Variants in IFT172 observed in about 807,000 individuals in gnomAD.
IFT172 encodes the protein intraflagellar transport protein 172 homolog.
In IFT172, 164 loss-of-function variants were observed where a neutral mutation model predicts 248.9. That is an observed-to-expected ratio of 0.66 (90% confidence interval 0.58 to 0.75). The LOEUF (loss-of-function observed/expected upper bound fraction) is 0.75, where lower values mean the gene tolerates loss of function less well. Ranked by LOEUF, IFT172 falls within the 30% of genes least tolerant of loss-of-function variation. The pLI is 0.00. For missense variants in IFT172, 1,950 were observed against 2,192.4 expected (o/e 0.89, Z 2.21); for synonymous variants, 729 against 791.6 (o/e 0.92, Z 1.33).
chr2:27,469,449 A>G (rs982574281), intron 16 of IFT172, among the ~76,000 whole-genome samples: 1 of 152,230 alleles, frequency 6.6e-6, no homozygotes, highest in Admixed American at 6.5e-5. Flanking sequence ...GGAAGAAGAA[A>G]AGTCATTCCA....
chr2:27,477,031 C>A, intron 13 of IFT172, 186 bp downstream of exon 13: 1 of 645,202 alleles, frequency 1.5e-6, no homozygotes, highest in Non-Finnish European at 2.7e-6. Context: ...CACCATGTTG[C>A]CCAGGCTGGT....
In IFT172 at chr2:27,445,468, G is replaced by C; in HGVS notation, c.4915-19C>G. 2.5e-6 allele frequency: 4 copies of C among 1,604,854 alleles called. No homozygotes were observed. Among genetic ancestry groups the C allele is most frequent in the South Asian group, 2.2e-5 (2 of 89,766 alleles). ...CAGCCTCCTGGAAAGGACAAGAAGGGAGTGGTAGCTTCACACAGGGCAGGG... is the reference window on the plus strand; with the variant it reads ...CAGCCTCCTGGAAAGGACAAGAAGGCAGTGGTAGCTTCACACAGGGCAGGG... On this transcript the variant is annotated intron_variant, in intron 45 of 47. Transcript: ENST00000260570. This position sits in a 1 kb window ranked among gnomAD's most constrained non-coding sequence, Gnocchi z 4.4.
chr2:27,462,502 G>A (rs1417948112), intron 20 of IFT172, among the ~76,000 whole-genome samples, 199 bp downstream of exon 20: 1 of 152,178 alleles, frequency 6.6e-6, no homozygotes, highest in East Asian at 1.9e-4. Context: ...AAGGAAGTTT[G>A]TCTAGAAAAG....
Position 27,454,484 on chromosome 2 carries a change from C to T in IFT172, c.3466-66G>A. The T allele has an allele frequency of 6.2e-7, 1 of 1,612,492 alleles. No individual in the cohort carries two copies. The highest frequency in any genetic ancestry group is 8.5e-7 in the Non-Finnish European group (1 of 1,178,600). On this transcript the variant is annotated intron_variant, in intron 31 of 47. Coordinates refer to ENST00000260570, the MANE Select transcript of IFT172 (RefSeq NM_015662.3). This position sits in a 1 kb window ranked among gnomAD's most constrained non-coding sequence, Gnocchi z 4.2. ...ACTGGCATCACAGGCAGGCATGAGA[C>T]TGGGGGTCTGCACACCCAGCAGCAG...
At chr2:27,463,889 T>C (rs528925146) in intron 18 of IFT172, among the ~76,000 whole-genome samples, 1 of 152,046 alleles carries the variant, frequency 6.6e-6, no homozygotes, top group African/African-American at 2.4e-5. Context: ...GAAGCTGGCA[T>C]GAGAAGGAAG....
intron 19 of IFT172, 49 bp from the exon 20 acceptor site, chr2:27,462,842 T>C (rs1666788615): frequency 6.4e-7 from 1 of 1,565,666 alleles, no homozygotes; most frequent in Non-Finnish European, 8.8e-7. Flanking sequence ...GCTGCCATTC[T>C]GTCTGTGAGG....
At position 27,461,517 on chromosome 2, in the gene IFT172, C is replaced by T; in HGVS notation, c.2194G>A (p.Gly732Arg). Reference protein sequence around the residue: ...DECIAVAEAKGHPALEKLRRS... With the variant: ...DECIAVAEAKRHPALEKLRRS... The stretch of plus-strand genomic sequence containing the variant: ...CGTAGCTTCTCCAGGGCTGGGTGCC[C>T]CTGGACATGCACAGAGGACAACTAG... The change falls in exon 22 of 48, where the codon GGG (glycine) becomes AGG (arginine). Residue 732 changes from glycine (G) to arginine (R), a missense_variant and splice_region_variant. Gly to Arg is a moderately radical substitution (Grantham distance 125, BLOSUM62 -2). Coordinates refer to ENST00000260570, the MANE Select transcript of IFT172 (RefSeq NM_015662.3). 6.2e-7 allele frequency: 1 copy of T among 1,613,890 alleles called. No individual in the cohort carries two copies. The highest frequency in any genetic ancestry group is 8.5e-7 in the Non-Finnish European group (1 of 1,179,858).
In IFT172 at chr2:27,453,638, C is replaced by A. The variant is rs769711760; in HGVS notation, c.3813G>T (p.Lys1271Asn). Reference protein sequence around the residue: ...QEEYEREATKKGARGVEGFVE... With the variant: ...QEEYEREATKNGARGVEGFVE... ...GACCTCTGGCCTCATACCTGGCCCC[C>A]TTCTTAGTAGCTTCCCGCTCATATT... The change falls in exon 34 of 48, where the codon AAG becomes AAT. Residue 1271 changes from lysine to asparagine, a missense_variant. Coordinates refer to ENST00000260570, the MANE Select transcript of IFT172 (RefSeq NM_015662.3). 22 of 1,611,442 alleles carry A rather than the reference C, an allele frequency of 1.4e-5. No individual in the cohort carries two copies. The Admixed American group carries it at 2.7e-4, about 20-fold the overall frequency.
chr2:27,455,382 C>A, intron 30 of IFT172: 1 of 264,098 alleles, frequency 3.8e-6, no homozygotes, highest in Non-Finnish European at 7.4e-6. Context: ...GTGATCAGCC[C>A]CAGATTTGAT....
At chr2:27,451,059 AG>A (rs1245090221) in intron 35 of IFT172, among the ~76,000 whole-genome samples, 6 of 151,268 alleles carry the variant, frequency 4.0e-5, no homozygotes, top group African/African-American at 1.5e-4. Context: ...GTGCTGGTAT[AG>A]ATGGTCTTGA....
rs774240568 is a variant in IFT172, at chr2:27,457,939, T to C, written c.3013A>G (p.Thr1005Ala). The change falls in exon 28 of 48, where the codon ACC (threonine) becomes GCC (alanine). Residue 1005 changes from threonine (T) to alanine (A), a missense_variant. Transcript: ENST00000260570. ...VTVQEPDLAI[T>A]MYKKHKLYDD... The stretch of plus-strand genomic sequence containing the variant: ...TACAACTTGTGCTTTTTGTACATGG[T>C]GATGGCAAGATCAGGCTCTTGTACT... 1 of 1,614,036 alleles carries C rather than the reference T, an allele frequency of 6.2e-7. No individual in the cohort carries two copies. The highest frequency in any genetic ancestry group is 1.3e-5 in the African/African-American group (1 of 74,906).
At position 27,479,472 on chromosome 2, in the gene IFT172, G is replaced by A. The variant is rs780114; in HGVS notation, c.1005+37C>T. 1,439 of 1,154,786 alleles carry A rather than the reference G, an allele frequency of 1.2e-3. 10 individuals carry two copies. The African/African-American group carries it at 0.019, about 15-fold the overall frequency. 71.5% of individuals were successfully genotyped at this position (1,154,786 alleles called of 1,614,324 possible). A position where few individuals can be genotyped will look rare whatever the true frequency, so the allele number is the denominator to read the frequency against. On this transcript the variant is annotated intron_variant, in intron 10 of 47. Transcript: ENST00000260570. ...AATGTTATAAGGAGGAATGAGCCACGCAAGTTCTCAGTGCAGTAGGCTACC... is the reference window on the plus strand; with the variant it reads ...AATGTTATAAGGAGGAATGAGCCACACAAGTTCTCAGTGCAGTAGGCTACC...
Position 27,476,673 on chromosome 2 carries a change from G to T in IFT172, c.1379C>A (p.Ala460Asp). 1 of 1,607,622 alleles carries T rather than the reference G, an allele frequency of 6.2e-7. No homozygotes were observed. The highest frequency in any genetic ancestry group is 1.3e-5 in the African/African-American group (1 of 74,864). ...AATAGTCTTAATATCAATAAGATAA[G>T]CCAATTTCTTATTATCTTCTGTTCC... The part of the protein sequence containing the change: ...QRGTEDNKKL[A>D]YLIDIKTIAI... Residue 460 changes from alanine (A) to aspartate (D), a missense_variant, in exon 14 of 48, where the codon GCT (alanine) becomes GAT (aspartate). Ala to Asp is a moderately radical substitution (Grantham distance 126). This residue lies in a region of IFT172 where 1,166 missense variants were observed against 1,254.1 expected (regional missense o/e 0.93). Coordinates refer to ENST00000260570, the MANE Select transcript of IFT172 (RefSeq NM_015662.3).
intron 16 of IFT172, 79 bp downstream of exon 16, chr2:27,470,849 A>T: frequency 7.2e-7 from 1 of 1,395,224 alleles, no homozygotes; most frequent in Non-Finnish European, 9.6e-7. Context: ...ACAGAAAACC[A>T]AGTAGCCTTC....
intron 40 of IFT172, 100 bp downstream of exon 40, chr2:27,448,815 G>A (rs1211501490): frequency 5.3e-6 from 4 of 751,174 alleles, no homozygotes; most frequent in African/African-American, 5.1e-5. Flanking sequence ...GTTCTCTAAG[G>A]ATAGAATCCT....
At chr2:27,467,582 A>C (rs549406821) in intron 16 of IFT172, among the ~76,000 whole-genome samples, 41 of 141,790 alleles carry the variant, frequency 2.9e-4, no homozygotes, top group African/African-American at 1.0e-3. Context: ...ACTGCACTCC[A>C]GCATGGCGCA....
intron 1 of IFT172, among the ~76,000 whole-genome samples, chr2:27,488,836 T>G (rs183611512): frequency 6.6e-6 from 1 of 152,120 alleles, no homozygotes; most frequent in Non-Finnish European, 1.5e-5. Flanking sequence ...CTGGGCAACA[T>G]GGGGAAACCT....
intron 23 of IFT172, 74 bp from the exon 24 acceptor site, chr2:27,459,903 T>C: frequency 1.9e-6 from 3 of 1,583,008 alleles, no homozygotes; most frequent in Non-Finnish European, 2.6e-6. Flanking sequence ...GACAGGGAGA[T>C]GAAGCATGGA....
At chr2:27,476,535 G>T in intron 14 of IFT172, 106 bp downstream of exon 14, 1 of 696,470 alleles carries the variant, frequency 1.4e-6, no homozygotes, top group Non-Finnish European at 2.6e-6. Flanking sequence ...CTATTTACCT[G>T]GTGCGTCTCA....
Sources: gnomAD v4.1 joint callset for allele counts (sites outside exome capture counted in the v4.1 genomes callset) on GRCh38, gnomAD v4.1.1 for gene constraint, gnomAD v4.1.1 regional missense constraint, Gnocchi (gnomAD v3.1) non-coding constraint, MANE v1.5 for transcripts, NCBI Gene and HGNC (gene_info 2026-07-23, HGNC 2026-07-21) for gene names.